The following TSEN15 variants were observed in gnomAD, a reference collection of about 807,000 sequenced individuals.
The protein encoded by TSEN15 is tRNA-splicing endonuclease subunit Sen15.
TSEN15 carries 10 observed loss-of-function variants against 20.5 expected under a neutral mutation model. The observed-to-expected ratio is 0.49, with a 90% CI of 0.30 to 0.83. TSEN15 has a LOEUF of 0.83. Ranked by LOEUF, TSEN15 falls within the 40% of genes least tolerant of loss-of-function variation. The pLI, the probability that TSEN15 is intolerant of heterozygous loss-of-function variation, is 0.06. For missense variants in TSEN15, 180 were observed against 218.6 expected (o/e 0.82, Z 1.11); for synonymous variants, 72 against 80.1 (o/e 0.90, Z 0.54).
rs1258463392 is a variant in TSEN15, at chr1:184,051,776, C to G, written c.21C>G (p.Ser7=). 15 of 1,509,692 alleles carry G rather than the reference C, an allele frequency of 9.9e-6. No individual in the cohort carries two copies. Among genetic ancestry groups the G allele is most frequent in the Non-Finnish European group, 1.2e-5 (13 of 1,129,702 alleles). The allele number at this position is 1,509,692 out of a possible 1,614,324, so 93.5% of individuals were successfully genotyped here. MEERGD[S]EPTPGCSGLG... Reference sequence around the variant, plus strand: ...CCGGCATGGAGGAGCGCGGCGATTCCGAGCCGACCCCCGGCTGCAGCGGCC... The same window carrying G: ...CCGGCATGGAGGAGCGCGGCGATTCGGAGCCGACCCCCGGCTGCAGCGGCC... Residue 7 remains serine (S), a synonymous_variant, in exon 1 of 5, where the codon TCC becomes TCG. Transcript: ENST00000645668.
Position 184,073,039 on chromosome 1 carries a change from G to T in TSEN15, c.*192G>T. 1.7e-6 allele frequency: 1 copy of T among 572,434 alleles called. No homozygotes were observed. Among genetic ancestry groups the T allele is most frequent in the East Asian group, 3.1e-5 (1 of 32,270 alleles). 35.5% of individuals were successfully genotyped at this position (572,434 alleles called of 1,614,324 possible). On this transcript the variant is annotated 3_prime_UTR_variant, in exon 5 of 5. Transcript: ENST00000645668. ...ACTTTCTCCTTCTTAAAAAATATAG[G>T]GTGATTTCTTTAAAACTTTGTTATC...
chr1:184,096,548 C>T (rs1276476197), exon 4 of TSEN15: 3 of 152,226 alleles, frequency 2.0e-5, no homozygotes, highest in African/African-American at 7.2e-5. Context: ...GGAAGAGGGA[C>T]CTCTCAAGAC....
chr1:184,093,261 G>A (rs945602837), intron 3 of TSEN15, among the ~76,000 whole-genome samples: 6 of 152,300 alleles, frequency 3.9e-5, no homozygotes, highest in African/African-American at 1.4e-4. Flanking sequence ...GGTACTGAGT[G>A]CTCTGGACAC....
At chr1:184,070,813 A>ATGAT in intron 3 of TSEN15, 1 of 445,518 alleles carries the variant, frequency 2.2e-6, no homozygotes, top group Non-Finnish European at 3.3e-6. Context: ...GTGAATAAGA[A>ATGAT]TCTAGCTAGT....
At chr1:184,068,269 C>T (rs73050975) in intron 3 of TSEN15, among the ~76,000 whole-genome samples, 5 of 151,940 alleles carry the variant, frequency 3.3e-5, no homozygotes, top group Middle Eastern at 3.4e-3. Flanking sequence ...CTTGAAGGAC[C>T]GTCCATTATT....
chr1:184,060,808 C>G (rs955485018), intron 3 of TSEN15, among the ~76,000 whole-genome samples: 1 of 152,086 alleles, frequency 6.6e-6, no homozygotes, highest in African/African-American at 2.4e-5. Flanking sequence ...ATTAGAGTTT[C>G]TCTTGCTTTA....
At chr1:184,093,186 T>G (rs1294219133) in intron 3 of TSEN15, among the ~76,000 whole-genome samples, 1 of 152,198 alleles carries the variant, frequency 6.6e-6, no homozygotes, top group Non-Finnish European at 1.5e-5. Flanking sequence ...GAGATGATAT[T>G]GAGTTGCAAA....
intron 1 of TSEN15, 131 bp from the exon 2 acceptor site, chr1:184,054,223 A>G (rs1269288781): frequency 7.2e-6 from 4 of 555,530 alleles, no homozygotes; most frequent in Non-Finnish European, 9.3e-6. Context: ...AAGATCTTAT[A>G]TTGCCTTTTA....
At chr1:184,076,674 T>C (rs1651066621), downstream of TSEN15, among the ~76,000 whole-genome samples, 1 of 152,136 alleles carries the variant, frequency 6.6e-6, no homozygotes, top group South Asian at 2.1e-4. Flanking sequence ...TGAAAAGTTA[T>C]GGAAAGAAAT....
chr1:184,088,663 A>G (rs563239443), intron 3 of TSEN15, among the ~76,000 whole-genome samples: 15 of 121,552 alleles, frequency 1.2e-4, no homozygotes, highest in African/African-American at 3.9e-4. Context: ...ATATGAGTAC[A>G]CATGTCATGT....
chr1:184,090,439 GC>G (rs1184929919), intron 3 of TSEN15, among the ~76,000 whole-genome samples: 1 of 152,144 alleles, frequency 6.6e-6, no homozygotes, highest in African/African-American at 2.4e-5. Flanking sequence ...TCAAACTTAG[GC>G]TTAAAATGGG....
chr1:184,088,181 C>CT (rs139165756), intron 3 of TSEN15, among the ~76,000 whole-genome samples: 3,974 of 152,106 alleles, frequency 0.026, 175 homozygotes, highest in African/African-American at 0.089. Context: ...CCAGAATGAC[C>CT]GGCTATTTAG....
rs1650052445 is a variant in TSEN15, at chr1:184,051,794, C to T, written c.39C>T (p.Cys13=). Residue 13 remains cysteine (C), a synonymous_variant, in exon 1 of 5, where the codon TGC becomes TGT. Coordinates refer to ENST00000645668, the MANE Select transcript of TSEN15 (RefSeq NM_052965.4). The part of the protein sequence containing the change: ...ERGDSEPTPG[C]SGLGPGGVRG... ...GCGATTCCGAGCCGACCCCCGGCTG[C>T]AGCGGCCTGGGTCCGGGCGGTGTTC... 7.9e-6 allele frequency: 12 copies of T among 1,524,020 alleles called. No homozygotes were observed. Among genetic ancestry groups the T allele is most frequent in the South Asian group, 1.2e-5 (1 of 81,510 alleles). The allele number at this position is 1,524,020 out of a possible 1,614,324, so 94.4% of individuals were successfully genotyped here. A position where few individuals can be genotyped will look rare whatever the true frequency, so the allele number is the denominator to read the frequency against.
intron 2 of TSEN15, 44 bp from the exon 3 acceptor site, chr1:184,054,684 T>C: frequency 1.3e-6 from 2 of 1,585,888 alleles, no homozygotes; most frequent in Non-Finnish European, 8.6e-7. Context: ...TTTTATTTTT[T>C]GTATTTAATA....
At chr1:184,072,072 T>C (rs1650903027) in intron 3 of TSEN15, 85 bp from the exon 4 acceptor site, 1 of 1,405,014 alleles carries the variant, frequency 7.1e-7, no homozygotes. Context: ...GTGACCTGTT[T>C]TCAAGTTTTC....
chr1:184,060,895 G>GT (rs1650429573), intron 3 of TSEN15, among the ~76,000 whole-genome samples: 1 of 152,142 alleles, frequency 6.6e-6, no homozygotes, highest in Admixed American at 6.5e-5. Context: ...AAATTAATGA[G>GT]TTATAAGGCA....
rs557986351 is a variant in TSEN15 at position 184,072,921 on chromosome 1, A to G, written c.*74A>G. On this transcript the variant is annotated 3_prime_UTR_variant, in exon 5 of 5. Transcript: ENST00000645668. ...GACCCATCAGACTGCTTCATCTTTT[A>G]TCTCAGAAATAGGGTTGACGTACAT... is the stretch of plus-strand genomic sequence containing the variant. The G allele has an allele frequency of 4.9e-6, 7 of 1,434,630 alleles. No individual in the cohort carries two copies. The East Asian group carries it at 9.4e-5, about 19-fold the overall frequency. The allele number at this position is 1,434,630 out of a possible 1,614,324, so 88.9% of individuals were successfully genotyped here.
intron 3 of TSEN15, among the ~76,000 whole-genome samples, chr1:184,081,115 A>G (rs907984717): frequency 2.0e-5 from 3 of 152,206 alleles, no homozygotes; most frequent in Admixed American, 2.0e-4. Flanking sequence ...GAGCAGCAAT[A>G]GTTTGTGGAT....
intron 3 of TSEN15, among the ~76,000 whole-genome samples, chr1:184,083,285 A>G (rs1651202816): frequency 1.3e-5 from 2 of 152,174 alleles, no homozygotes; most frequent in Non-Finnish European, 1.5e-5. Flanking sequence ...ACAAATCACC[A>G]TCCCATGCGA....
Sources: allele counts gnomAD v4.1 joint callset (sites outside exome capture counted in the v4.1 genomes callset), GRCh38; gene constraint gnomAD v4.1.1; transcripts MANE v1.5; gene names NCBI Gene and HGNC (gene_info 2026-07-23, HGNC 2026-07-21).